Variants in WDR72 observed in about 807,000 individuals in gnomAD.
WDR72 encodes the protein WD repeat domain 72, also known as WD repeat-containing protein 72.
WDR72 carries 120 observed loss-of-function variants against 124.2 expected under a neutral mutation model. The ratio of observed to expected loss-of-function variants is 0.97; its 90% CI spans 0.83 to 1.12. The LOEUF is 1.12. WDR72 is among the 50% of genes most tolerant of loss of function. WDR72 has a pLI of 0.00. For synonymous variants in WDR72, 452 were observed against 441.7 expected, an observed-to-expected ratio of 1.02 and a Z score of -0.29; for missense variants, 1,387 against 1,278.8, an observed-to-expected ratio of 1.08 and a Z score of -1.29.
chr15:53,592,318 A>G (rs1270329906), intron 18 of WDR72, among the ~76,000 whole-genome samples: 1 of 152,048 alleles, frequency 6.6e-6, no homozygotes, highest in Non-Finnish European at 1.5e-5. Context: ...AAATGAAAAA[A>G]AGATGCACTT....
intron 1 of WDR72, among the ~76,000 whole-genome samples, chr15:53,738,820 T>C (rs777402791): frequency 8.5e-5 from 13 of 152,190 alleles, no homozygotes; most frequent in Non-Finnish European, 1.9e-4. Context: ...TTGGCGAAGC[T>C]GGTCTTGAAC....
chr15:53,745,047 A>AAAAAAG lies in WDR72; in HGVS notation c.-12-11887_-12-11886insCTTTTT, dbSNP rs1555430685. 4.6e-4 allele frequency among the ~76,000 whole-genome samples: 69 copies of AAAAAAG among 150,632 alleles called. No homozygotes were observed. The South Asian group carries it at 0.014, about 31-fold the overall frequency. ...TATACTTTATTGTAAAAAAAAAAAAAGGGCAAGAAAATATTAATAGAATGA... is the reference window on the plus strand; with the variant it reads ...TATACTTTATTGTAAAAAAAAAAAAAAAAAAGGGGCAAGAAAATATTAATAGAATGA... On this transcript the variant is annotated intron_variant, in intron 1 of 19. Coordinates refer to ENST00000360509, the MANE Select transcript of WDR72 (RefSeq NM_182758.4).
At chr15:53,557,247 C>T (rs751804937) in intron 18 of WDR72, among the ~76,000 whole-genome samples, 1 of 152,040 alleles carries the variant, frequency 6.6e-6, no homozygotes, top group Admixed American at 6.6e-5. Context: ...GAAGTTCTTG[C>T]CTGTTTTCTA....
intron 18 of WDR72, among the ~76,000 whole-genome samples, chr15:53,554,768 T>C (rs988820229): frequency 6.6e-6 from 1 of 152,072 alleles, no homozygotes; most frequent in African/African-American, 2.4e-5. Context: ...GTGGAGCACT[T>C]CTTTGTCCCG....
chr15:53,730,378 A>G (rs1261488033), intron 2 of WDR72, among the ~76,000 whole-genome samples: 3 of 152,192 alleles, frequency 2.0e-5, no homozygotes, highest in Non-Finnish European at 4.4e-5. Flanking sequence ...TCTGTCTCCC[A>G]TACTGGACTC....
intron 14 of WDR72, among the ~76,000 whole-genome samples, chr15:53,618,462 T>A (rs925378769): frequency 6.6e-6 from 1 of 152,058 alleles, no homozygotes; most frequent in African/African-American, 2.4e-5. Flanking sequence ...TTTTTCCTGC[T>A]AGAATTTTGT....
At chr15:53,697,818 T>A (rs1023770921) in intron 13 of WDR72, among the ~76,000 whole-genome samples, 2 of 152,170 alleles carry the variant, frequency 1.3e-5, no homozygotes, top group African/African-American at 2.4e-5. Context: ...TATTATTATT[T>A]TTTTGTTTGA....
At chr15:53,762,177 G>T (rs951477476), upstream of WDR72, among the ~76,000 whole-genome samples, 2 of 151,936 alleles carry the variant, frequency 1.3e-5, no homozygotes, top group Non-Finnish European at 2.9e-5. Context: ...AGGATATTTG[G>T]CCAGGCCCAA....
intron 18 of WDR72, among the ~76,000 whole-genome samples, chr15:53,580,740 G>A (rs1314273777): frequency 1.3e-5 from 2 of 151,820 alleles, no homozygotes; most frequent in Admixed American, 6.6e-5. Context: ...AACTAAAAGT[G>A]GCCATGGAAA....
intron 13 of WDR72, among the ~76,000 whole-genome samples, chr15:53,688,577 T>A (rs2016726726): frequency 6.6e-6 from 1 of 152,102 alleles, no homozygotes; most frequent in African/African-American, 2.4e-5. Flanking sequence ...TACAAACAAA[T>A]GGAAGAACAT....
chr15:53,730,118 TG>T (rs1385403257), intron 2 of WDR72, among the ~76,000 whole-genome samples: 1 of 152,194 alleles, frequency 6.6e-6, no homozygotes. Context: ...AAGCAACCCA[TG>T]TATGTATCCA....
At chr15:53,675,472 A>T (rs779134103) in intron 13 of WDR72, among the ~76,000 whole-genome samples, 25 of 152,232 alleles carry the variant, frequency 1.6e-4, no homozygotes, top group Non-Finnish European at 1.5e-4. Flanking sequence ...AACGTAAAGA[A>T]TACATTTAAT....
At chr15:53,696,766 C>T (rs1446661844) in intron 13 of WDR72, among the ~76,000 whole-genome samples, 1 of 152,106 alleles carries the variant, frequency 6.6e-6, no homozygotes, top group Non-Finnish European at 1.5e-5. Context: ...AAATTGTAAC[C>T]AAAATTAAAA....
At position 53,724,913 on chromosome 15, in the gene WDR72, T is replaced by C. The variant is rs549092436; in HGVS notation, c.154-2005A>G. 9.2e-5 allele frequency among the ~76,000 whole-genome samples: 14 copies of C among 152,262 alleles called. No homozygotes were observed. The South Asian group carries it at 2.9e-3, about 32-fold the overall frequency. ...AGTTACCATGGAGGAAATTTTAGGC[T>C]TCAAGTTTCACTTCTAAATTATCTA... is the stretch of plus-strand genomic sequence containing the variant. On this transcript the variant is annotated intron_variant, in intron 2 of 19. Coordinates refer to ENST00000360509, the MANE Select transcript of WDR72 (RefSeq NM_182758.4).
chr15:53,517,384 T>A lies in WDR72; in HGVS notation c.*315A>T. On this transcript the variant is annotated 3_prime_UTR_variant, in exon 20 of 20. Coordinates refer to ENST00000360509, the MANE Select transcript of WDR72 (RefSeq NM_182758.4). ...AAGGATAGGAGAAAATTTAAAGCAG[T>A]ATTAAATTTGTGTCTGTGGACTGGC... 2.9e-6 allele frequency: 1 copy of A among 344,810 alleles called. No individual in the cohort carries two copies. The highest frequency in any genetic ancestry group is 3.0e-5 in the South Asian group (1 of 33,876). 21.4% of individuals were successfully genotyped at this position (344,810 alleles called of 1,614,324 possible).
intron 18 of WDR72, among the ~76,000 whole-genome samples, chr15:53,557,072 G>A (rs538261489): frequency 2.0e-5 from 3 of 152,042 alleles, no homozygotes; most frequent in African/African-American, 4.8e-5. Context: ...GTACTGCCAA[G>A]GTTGACTTGG....
intron 14 of WDR72, among the ~76,000 whole-genome samples, chr15:53,617,332 C>A (rs888307769): frequency 1.1e-3 from 170 of 151,254 alleles, no homozygotes; most frequent in African/African-American, 3.9e-3. Flanking sequence ...AAAATGTTAA[C>A]AATAGTTAAC....
chr15:53,605,332 C>A (rs1320331428), intron 17 of WDR72, among the ~76,000 whole-genome samples: 1 of 152,094 alleles, frequency 6.6e-6, no homozygotes, highest in Non-Finnish European at 1.5e-5. Flanking sequence ...TACACTGCAA[C>A]CTACTGAAGA....
chr15:53,654,317 T>C (rs980729545), intron 14 of WDR72, among the ~76,000 whole-genome samples: 1 of 152,212 alleles, frequency 6.6e-6, no homozygotes, highest in Non-Finnish European at 1.5e-5. Flanking sequence ...ACTTCATGAT[T>C]TGTCTGTGAA....
Sources: allele counts gnomAD v4.1 joint callset (sites outside exome capture counted in the v4.1 genomes callset), GRCh38; gene constraint gnomAD v4.1.1; transcripts MANE v1.5; gene names NCBI Gene and HGNC (gene_info 2026-07-23, HGNC 2026-07-21).